The following METTL15 variants were observed in gnomAD, a reference collection of about 807,000 sequenced individuals.
METTL15 encodes the protein methyltransferase 15, mitochondrial 12S rRNA N4-cytidine.
A neutral mutation model predicts 38.3 loss-of-function variants in METTL15; 34 were observed. The ratio of observed to expected loss-of-function variants is 0.89; its 90% CI spans 0.68 to 1.18. The LOEUF is 1.18. Among genes scored for constraint, METTL15 ranks in the 50% most tolerant of loss-of-function variants. The pLI is 0.00. For missense variants in METTL15, 438 were observed against 498.4 expected (o/e 0.88, Z 1.15); for synonymous variants, 162 against 170.9 (o/e 0.95, Z 0.41).
chr11:28,390,625 A>G (rs940497486), intron 5 of METTL15, among the ~76,000 whole-genome samples: 1 of 152,146 alleles, frequency 6.6e-6, no homozygotes, highest in Admixed American at 6.5e-5. Context: ...TGTTTTGGTT[A>G]CTGTAGCCTT....
chr11:28,127,076 G>C (rs879535711), intron 3 of METTL15, among the ~76,000 whole-genome samples: 3 of 152,128 alleles, frequency 2.0e-5, no homozygotes, highest in Non-Finnish European at 4.4e-5. Flanking sequence ...TGCTGAAAAT[G>C]CAAAGAGGGA....
At chr11:28,484,088 G>T (rs772256786) in intron 6 of METTL15, among the ~76,000 whole-genome samples, 3 of 152,056 alleles carry the variant, frequency 2.0e-5, no homozygotes, top group African/African-American at 7.2e-5. Flanking sequence ...AGCAAAAATC[G>T]TATAATAACG....
At chr11:28,379,267 A>AT (rs1850356333) in intron 5 of METTL15, among the ~76,000 whole-genome samples, 1 of 151,722 alleles carries the variant, frequency 6.6e-6, no homozygotes, top group Non-Finnish European at 1.5e-5. Context: ...GGTTCAGTTC[A>AT]TTTTTTATAT....
At chr11:28,463,431 A>G (rs1423646859) in intron 6 of METTL15, among the ~76,000 whole-genome samples, 2 of 152,184 alleles carry the variant, frequency 1.3e-5, no homozygotes, top group Non-Finnish European at 2.9e-5. Flanking sequence ...TATAATAATT[A>G]TAAGTAACTA....
At chr11:28,345,302 T>A (rs1449816119) in intron 3 of METTL15, among the ~76,000 whole-genome samples, 1 of 152,126 alleles carries the variant, frequency 6.6e-6, no homozygotes, top group African/African-American at 2.4e-5. Flanking sequence ...GATTCTTGTA[T>A]CTCAGCCTCC....
intron 5 of METTL15, among the ~76,000 whole-genome samples, chr11:28,408,622 C>T (rs537382994): frequency 2.0e-5 from 3 of 152,018 alleles, no homozygotes; most frequent in Non-Finnish European, 4.4e-5. Context: ...GGTAAAATGT[C>T]ATATAGCTAT....
intron 6 of METTL15, among the ~76,000 whole-genome samples, chr11:28,489,243 G>C (rs1851473268): frequency 6.6e-6 from 1 of 152,050 alleles, no homozygotes; most frequent in African/African-American, 2.4e-5. Flanking sequence ...TGGTACCCCA[G>C]CCCCTTCCTA....
intron 5 of METTL15, among the ~76,000 whole-genome samples, chr11:28,375,299 A>T: frequency 1.4e-5 from 2 of 144,568 alleles, no homozygotes. Flanking sequence ...CTGGTCCTGG[A>T]CTCTTTTTGG....
At position 28,238,554 on chromosome 11, in the gene METTL15, C is replaced by T. The variant is rs542111846; in HGVS notation, c.407+27356C>T. On this transcript the variant is annotated intron_variant, in intron 4 of 6. Coordinates refer to ENST00000407364, the MANE Select transcript of METTL15 (RefSeq NM_001113528.2). ...AAAGGGAACTCCCTGACCCCTTGCA[C>T]TTCCCGAGTGAGGCAGTGCCTCGCC... Among the ~76,000 whole-genome samples, 19 of 152,350 alleles carry T rather than the reference C, an allele frequency of 1.2e-4. No individual in the cohort carries two copies. In the South Asian group the frequency reaches 3.5e-3, roughly 28 times the overall value.
chr11:28,311,393 G>A (rs924711848), intron 6 of METTL15, among the ~76,000 whole-genome samples: 4 of 152,094 alleles, frequency 2.6e-5, no homozygotes, highest in Non-Finnish European at 1.5e-5. Context: ...TGCCCTGAAC[G>A]TTTCCTTCTT....
intron 6 of METTL15, among the ~76,000 whole-genome samples, chr11:28,505,663 T>A (rs918622202): frequency 2.6e-5 from 4 of 152,222 alleles, no homozygotes; most frequent in Non-Finnish European, 5.9e-5. Context: ...TTGATGAGGG[T>A]AGCAGAAATG....
At chr11:28,472,368 C>T (rs1346202881) in intron 6 of METTL15, among the ~76,000 whole-genome samples, 2 of 152,082 alleles carry the variant, frequency 1.3e-5, no homozygotes, top group African/African-American at 2.4e-5. Flanking sequence ...AACATGAATC[C>T]CTATCTTTTA....
At chr11:28,360,452 G>A (rs1850127202) in intron 4 of METTL15, among the ~76,000 whole-genome samples, 1 of 152,162 alleles carries the variant, frequency 6.6e-6, no homozygotes, top group African/African-American at 2.4e-5. Context: ...ACCATACAAT[G>A]TAAACCAAGG....
At chr11:28,400,177 C>T (rs1850617260) in intron 5 of METTL15, among the ~76,000 whole-genome samples, 2 of 151,836 alleles carry the variant, frequency 1.3e-5, no homozygotes, top group South Asian at 4.1e-4. Flanking sequence ...ACAATTTATT[C>T]AGCCATCATT....
At position 28,238,418 on chromosome 11, in the gene METTL15, G is replaced by A. The variant is rs557246238; in HGVS notation, c.407+27220G>A. On this transcript the variant is annotated intron_variant, in intron 4 of 6. Coordinates refer to ENST00000407364, the MANE Select transcript of METTL15 (RefSeq NM_001113528.2). The stretch of plus-strand genomic sequence containing the variant: ...CTTAGGACCCTCTGAGCCAGGTGTG[G>A]GTTATAATCTCCTGGTGCGCCGTTT... 3.1e-4 allele frequency among the ~76,000 whole-genome samples: 47 copies of A among 152,308 alleles called. 2 individuals carry two copies. In the South Asian group the frequency reaches 6.6e-3, roughly 21 times the overall value.
chr11:28,243,876 C>T (rs1854404815), intron 4 of METTL15, among the ~76,000 whole-genome samples: 1 of 152,100 alleles, frequency 6.6e-6, no homozygotes, highest in South Asian at 2.1e-4. Context: ...TACTACAAAA[C>T]ACTGGCATAA....
intron 3 of METTL15, among the ~76,000 whole-genome samples, chr11:28,201,567 G>C (rs1272695876): frequency 7.6e-6 from 1 of 132,136 alleles, no homozygotes; most frequent in African/African-American, 2.9e-5. Flanking sequence ...GAGGCAGTTG[G>C]TCTGTTCAGG....
chr11:28,379,335 A>G (rs1291839737), intron 5 of METTL15, among the ~76,000 whole-genome samples: 1 of 152,012 alleles, frequency 6.6e-6, no homozygotes, highest in Non-Finnish European at 1.5e-5. Flanking sequence ...TTTTTGATAT[A>G]GGTGTTTATT....
intron 6 of METTL15, among the ~76,000 whole-genome samples, chr11:28,498,080 A>G (rs1407228186): frequency 2.0e-5 from 3 of 151,870 alleles, no homozygotes; most frequent in Admixed American, 1.3e-4. Flanking sequence ...GGGTGGATGC[A>G]AAGTCATTCA....
Sources: allele counts gnomAD v4.1 joint callset (sites outside exome capture counted in the v4.1 genomes callset), GRCh38; gene constraint gnomAD v4.1.1; transcripts MANE v1.5; gene names NCBI Gene and HGNC (gene_info 2026-07-23, HGNC 2026-07-21).